FGF10: variants seen among roughly 807,000 people sequenced by gnomAD.
FGF10 encodes the protein fibroblast growth factor 10, also known as FGF-10.
A neutral mutation model predicts 19.8 loss-of-function variants in FGF10; 2 were observed. The ratio of observed to expected loss-of-function variants is 0.10; its 90% CI spans 0.04 to 0.32. The LOEUF (loss-of-function observed/expected upper bound fraction) is 0.32, where lower values mean the gene tolerates loss of function less well. FGF10 is among the 10% of genes least tolerant of loss of function. FGF10 has a pLI of 1.00. For synonymous variants in FGF10, 112 were observed against 94.0 expected (o/e 1.19, Z -1.10); for missense variants, 191 against 246.3 (o/e 0.78, Z 1.50).
rs1020313641 is a variant in FGF10 at position 44,344,450 on chromosome 5, A to G, written c.326-33920T>C. 2.0e-5 allele frequency among the ~76,000 whole-genome samples: 3 copies of G among 151,894 alleles called. 1 individual carries two copies. Among genetic ancestry groups the G allele is most frequent in the African/African-American group, 7.3e-5 (3 of 41,318 alleles). On this transcript the variant is annotated intron_variant, in intron 1 of 2. Transcript: ENST00000264664. ...TTAAAAAGATTAAATGAATTTTTTTATTACAAAATTTCAAACAAACAGTAA... is the reference window on the plus strand; with the variant it reads ...TTAAAAAGATTAAATGAATTTTTTTGTTACAAAATTTCAAACAAACAGTAA...
At chr5:44,307,040 A>G (rs1235957133) in intron 2 of FGF10, among the ~76,000 whole-genome samples, 1 of 152,202 alleles carries the variant, frequency 6.6e-6, no homozygotes, top group East Asian at 1.9e-4. Flanking sequence ...AGACTAATGA[A>G]GGACTGAGAT....
At chr5:44,315,987 G>C (rs557291856) in intron 1 of FGF10, among the ~76,000 whole-genome samples, 1 of 152,152 alleles carries the variant, frequency 6.6e-6, no homozygotes, top group Admixed American at 6.5e-5. Flanking sequence ...GCCACACAGC[G>C]GGAGGCAAGC....
rs1490596391 is a variant in FGF10 at position 44,310,536 on chromosome 5, A to G, written c.326-6T>C. 4 of 1,594,166 alleles carry G rather than the reference A, an allele frequency of 2.5e-6. No homozygotes were observed. The South Asian group carries it at 4.4e-5, about 18-fold the overall frequency. ...TGATGTTATCTCCAGGATGCCTAAA[A>G]CATACAATTTTAAAAGGCTAAATAA... is the stretch of plus-strand genomic sequence containing the variant. On this transcript the variant is annotated splice_polypyrimidine_tract_variant and splice_region_variant and intron_variant, in intron 1 of 2. Coordinates refer to ENST00000264664, the MANE Select transcript of FGF10 (RefSeq NM_004465.2).
intron 1 of FGF10, among the ~76,000 whole-genome samples, chr5:44,313,949 G>C (rs1218758837): frequency 6.6e-6 from 1 of 152,068 alleles, no homozygotes; most frequent in Non-Finnish European, 1.5e-5. Context: ...GACAAACACA[G>C]ATAATTACAA....
intron 1 of FGF10, among the ~76,000 whole-genome samples, chr5:44,363,473 T>G (rs1284595141): frequency 2.0e-5 from 3 of 151,884 alleles, no homozygotes; most frequent in African/African-American, 7.2e-5. Context: ...ATTGGAAAAT[T>G]TAAAGACATT....
In FGF10 at chr5:44,332,098, A is replaced by C. The variant is rs140096190; in HGVS notation, c.326-21568T>G. Among the ~76,000 whole-genome samples the C allele has an allele frequency of 2.0e-5, 3 of 152,286 alleles. No individual in the cohort carries two copies. In the East Asian group the frequency reaches 5.8e-4, roughly 29 times the overall value. On this transcript the variant is annotated intron_variant, in intron 1 of 2. Coordinates refer to ENST00000264664, the MANE Select transcript of FGF10 (RefSeq NM_004465.2). ...ATGAACCCCAGTTTTCCATTTAAAT[A>C]ATACAAAGAGGTGTTTAGCATCGTG... is the stretch of plus-strand genomic sequence containing the variant.
chr5:44,385,100 A>G (rs1742068838), intron 1 of FGF10, among the ~76,000 whole-genome samples: 1 of 152,142 alleles, frequency 6.6e-6, no homozygotes, highest in Non-Finnish European at 1.5e-5. Flanking sequence ...ATGATAAAAC[A>G]AAACCTAAAT....
At chr5:44,360,191 A>G in intron 1 of FGF10, among the ~76,000 whole-genome samples, 1 of 151,610 alleles carries the variant, frequency 6.6e-6, no homozygotes, top group East Asian at 1.9e-4. Context: ...ACAATTCATC[A>G]TGCCACTGTA....
At chr5:44,351,556 T>G (rs1034330103) in intron 1 of FGF10, among the ~76,000 whole-genome samples, 2 of 151,620 alleles carry the variant, frequency 1.3e-5, no homozygotes, top group African/African-American at 4.8e-5. Flanking sequence ...ACCGTTTAAT[T>G]AAACAAAGAA....
chr5:44,356,799 G>T (rs995598337), intron 1 of FGF10, among the ~76,000 whole-genome samples: 1 of 151,348 alleles, frequency 6.6e-6, no homozygotes, highest in Non-Finnish European at 1.5e-5. Flanking sequence ...GAGTGTCCAT[G>T]AAAAGGTGTC....
In FGF10 at chr5:44,388,594, A is replaced by G. The variant is rs1223515236; in HGVS notation, c.89T>C (p.Val30Ala). The change falls in exon 1 of 3, where the codon GTG (valine) becomes GCG (alanine). Residue 30 changes from valine to alanine, a missense_variant. Val to Ala is a moderately conservative substitution (Grantham distance 64). Around this residue, in one of 2 missense-constraint regions of FGF10, gnomAD observed 92 missense variants for 84.6 expected, o/e 1.09. Coordinates refer to ENST00000264664, the MANE Select transcript of FGF10 (RefSeq NM_004465.2). ...TTGGCAGGTGACAGGGACGGAAGAC[A>G]CCAAGAACAGCAACAAAAAGCAGCA... Reference protein sequence around the residue: ...CCCCFLLLFLVSSVPVTCQAL... With the variant: ...CCCCFLLLFLASSVPVTCQAL... 1 of 1,614,146 alleles carries G rather than the reference A, an allele frequency of 6.2e-7. No individual in the cohort carries two copies. Among genetic ancestry groups the G allele is most frequent in the Middle Eastern group, 1.6e-4 (1 of 6,062 alleles).
intron 1 of FGF10, among the ~76,000 whole-genome samples, chr5:44,384,426 T>C (rs553911804): frequency 1.4e-3 from 207 of 152,296 alleles, no homozygotes; most frequent in Non-Finnish European, 2.1e-3. Flanking sequence ...TTTGTTTTTC[T>C]GCAATTGTCA....
intron 1 of FGF10, among the ~76,000 whole-genome samples, chr5:44,336,101 T>C (rs1477876782): frequency 4.6e-5 from 7 of 152,172 alleles, no homozygotes; most frequent in African/African-American, 9.6e-5. Context: ...TTTTTCATCA[T>C]ATTTTAAAAC....
intron 1 of FGF10, among the ~76,000 whole-genome samples, chr5:44,349,449 T>TATATATATATATATATATATATATCAGA (rs1741176777): frequency 6.3e-5 from 1 of 15,784 alleles, no homozygotes; most frequent in Non-Finnish European, 1.6e-4. Flanking sequence ...TATATATATA[T>TATATATATATATATATATATATATCAGA]ATATATATAT....
At chr5:44,371,657 C>G (rs1407688532) in intron 1 of FGF10, among the ~76,000 whole-genome samples, 2 of 152,098 alleles carry the variant, frequency 1.3e-5, no homozygotes, top group Non-Finnish European at 2.9e-5. Flanking sequence ...AACCAAAGCC[C>G]TTTGCTTTTG....
At chr5:44,305,376 T>C (rs947198893) in intron 2 of FGF10, among the ~76,000 whole-genome samples, 184 bp from the exon 3 acceptor site, 2 of 152,160 alleles carry the variant, frequency 1.3e-5, no homozygotes, top group Non-Finnish European at 2.9e-5. Context: ...AAACACATTC[T>C]GTTTGAAAGC....
rs1041026730 is a variant in FGF10 at position 44,370,726 on chromosome 5, T to A, written c.325+17632A>T. The stretch of plus-strand genomic sequence containing the variant: ...TCTAACTTCATAGCCCCTATTACTA[T>A]GAGAGAAACAAATTTTCTGTAAGAG... On this transcript the variant is annotated intron_variant, in intron 1 of 2. Coordinates refer to ENST00000264664, the MANE Select transcript of FGF10 (RefSeq NM_004465.2). 7.2e-5 allele frequency among the ~76,000 whole-genome samples: 11 copies of A among 152,260 alleles called. No individual in the cohort carries two copies. In the East Asian group the frequency reaches 2.1e-3, roughly 30 times the overall value.
intron 1 of FGF10, among the ~76,000 whole-genome samples, chr5:44,324,975 C>T (rs1165249141): frequency 6.6e-6 from 1 of 151,980 alleles, no homozygotes; most frequent in East Asian, 1.9e-4. Context: ...TAGATTATTC[C>T]TTGGTAAAAT....
At chr5:44,322,001 G>A (rs1050220837) in intron 1 of FGF10, among the ~76,000 whole-genome samples, 1 of 152,152 alleles carries the variant, frequency 6.6e-6, no homozygotes, top group Non-Finnish European at 1.5e-5. Context: ...GACCTCAAGT[G>A]ATCTGCCCGC....
Sources: gnomAD v4.1 joint callset for allele counts (sites outside exome capture counted in the v4.1 genomes callset) on GRCh38, gnomAD v4.1.1 for gene constraint, gnomAD v4.1.1 regional missense constraint, MANE v1.5 for transcripts, NCBI Gene and HGNC (gene_info 2026-07-23, HGNC 2026-07-21) for gene names.